Variants in ARL13B observed in about 807,000 individuals in gnomAD.
ARL13B encodes the protein ARF like GTPase 13B.
ARL13B carries 36 observed loss-of-function variants against 56.1 expected under a neutral mutation model. That is an observed-to-expected ratio of 0.64 (90% CI 0.49 to 0.85). ARL13B has a LOEUF of 0.85. Among genes scored for constraint, ARL13B ranks in the 40% least tolerant of loss-of-function variants. ARL13B has a pLI of 0.00. For missense variants in ARL13B, 519 were observed against 507.1 expected, an observed-to-expected ratio of 1.02 and a Z score of -0.23; for synonymous variants, 178 against 171.1, an observed-to-expected ratio of 1.04 and a Z score of -0.32.
At chr3:93,983,212 G>C (rs960066149) in intron 1 of ARL13B, among the ~76,000 whole-genome samples, 2 of 152,124 alleles carry the variant, frequency 1.3e-5, no homozygotes, top group Non-Finnish European at 2.9e-5. Flanking sequence ...TATTATTCCA[G>C]ACATTGGAAT....
chr3:93,986,500 C>CT (rs759607538), intron 1 of ARL13B, among the ~76,000 whole-genome samples: 2 of 151,804 alleles, frequency 1.3e-5, no homozygotes, highest in African/African-American at 2.4e-5. Context: ...GTTCTAAAGT[C>CT]TTTTTTTGTA....
chr3:94,012,022 TTTTC>T (rs2076232748), intron 3 of ARL13B, among the ~76,000 whole-genome samples: 1 of 151,988 alleles, frequency 6.6e-6, no homozygotes, highest in East Asian at 1.9e-4. Context: ...TTCTTCACAT[TTTTC>T]TTTCTTTAAA....
chr3:94,016,545 T>A lies in ARL13B; in HGVS notation c.380+12637T>A, dbSNP rs569425847. Reference sequence around the variant, plus strand: ...TTAACAGGAATAGATTTAAAATATTTCATCTAGCTATAAGAAAAATATTTT... The same window carrying A: ...TTAACAGGAATAGATTTAAAATATTACATCTAGCTATAAGAAAAATATTTT... On this transcript the variant is annotated intron_variant, in intron 3 of 9. Coordinates refer to ENST00000394222, the MANE Select transcript of ARL13B (RefSeq NM_001174150.2). 2.0e-5 allele frequency among the ~76,000 whole-genome samples: 3 copies of A among 152,224 alleles called. No individual in the cohort carries two copies. The East Asian group carries it at 5.8e-4, about 29-fold the overall frequency.
intron 3 of ARL13B, among the ~76,000 whole-genome samples, chr3:94,021,228 C>G (rs1575995272): frequency 6.6e-6 from 1 of 150,586 alleles, no homozygotes; most frequent in Admixed American, 6.6e-5. Context: ...GGGTCTCGCT[C>G]TGTTACCCAG....
Position 94,030,230 on chromosome 3 carries a change from T to G in ARL13B, c.381-5101T>G. Among the ~76,000 whole-genome samples, 2 of 152,022 alleles carry G rather than the reference T, an allele frequency of 1.3e-5. 1 individual carries two copies. Among genetic ancestry groups the G allele is most frequent in the Admixed American group, 1.3e-4 (2 of 15,262 alleles). On this transcript the variant is annotated intron_variant, in intron 3 of 9. Transcript: ENST00000394222. ...AATTTAGAACCATATAAATATTTTT[T>G]TATTTTTATTTTTTGAGACAGGGTC...
intron 3 of ARL13B, among the ~76,000 whole-genome samples, chr3:94,032,755 C>A (rs1423327549): frequency 6.6e-6 from 1 of 152,152 alleles, no homozygotes; most frequent in Non-Finnish European, 1.5e-5. Flanking sequence ...CTCGGCCTCC[C>A]AAAGTGCTGG....
chr3:94,050,158 C>T (rs1342936137), intron 8 of ARL13B, among the ~76,000 whole-genome samples: 2 of 130,580 alleles, frequency 1.5e-5, no homozygotes, highest in African/African-American at 5.9e-5. Flanking sequence ...GGTGAGACTC[C>T]ATCTCGGGAA....
At chr3:94,020,887 A>G (rs1411715379) in intron 3 of ARL13B, among the ~76,000 whole-genome samples, 3 of 152,138 alleles carry the variant, frequency 2.0e-5, no homozygotes, top group South Asian at 2.1e-4. Flanking sequence ...AGTACAATTT[A>G]TGTAAATAGG....
intron 6 of ARL13B, among the ~76,000 whole-genome samples, chr3:94,041,775 T>A (rs942673196): frequency 1.1e-4 from 16 of 151,902 alleles, no homozygotes; most frequent in Admixed American, 7.2e-4. Context: ...TAAAAAAAAA[T>A]TAAAAATGTC....
At chr3:93,996,637 A>G (rs1389180492) in intron 2 of ARL13B, 4 of 438,766 alleles carry the variant, frequency 9.1e-6, no homozygotes, top group East Asian at 1.4e-4. Flanking sequence ...CTTGGCCTCC[A>G]AGAGTGCTGG....
chr3:94,002,755 A>G (rs1339806791), intron 2 of ARL13B, among the ~76,000 whole-genome samples: 1 of 152,146 alleles, frequency 6.6e-6, no homozygotes, highest in Non-Finnish European at 1.5e-5. Context: ...TAATTATATC[A>G]TTGGTCTGCC....
chr3:93,981,114 A>G (rs1454132364), intron 1 of ARL13B, among the ~76,000 whole-genome samples: 1 of 152,222 alleles, frequency 6.6e-6, no homozygotes, highest in Non-Finnish European at 1.5e-5. Context: ...GAAAGGGTCC[A>G]CTTTTTAACA....
chr3:94,043,810 G>A (rs1449897014), intron 7 of ARL13B, among the ~76,000 whole-genome samples: 20 of 146,228 alleles, frequency 1.4e-4, no homozygotes, highest in African/African-American at 2.6e-4. Flanking sequence ...GGCACGCGCC[G>A]CCACTCCTGA....
At chr3:94,001,545 C>T (rs2076055627) in intron 2 of ARL13B, among the ~76,000 whole-genome samples, 1 of 152,056 alleles carries the variant, frequency 6.6e-6, no homozygotes, top group Non-Finnish European at 1.5e-5. Flanking sequence ...CCTTTTTCAC[C>T]TTCCTTCCCT....
intron 3 of ARL13B, among the ~76,000 whole-genome samples, chr3:94,012,186 C>T (rs1262641752): frequency 2.6e-5 from 4 of 152,070 alleles, no homozygotes; most frequent in Non-Finnish European, 5.9e-5. Flanking sequence ...ACTTTTCATA[C>T]CACCTTACAT....
chr3:93,980,363 GA>G lies in ARL13B; in HGVS notation c.-60del, dbSNP rs2107298403. 1 of 1,600,606 alleles carries G rather than the reference GA, an allele frequency of 6.2e-7. No homozygotes were observed. The highest frequency in any genetic ancestry group is 2.2e-5 in the East Asian group (1 of 44,836). ...CGGAGTGCCGGAGGCCCCCGGGGAA[GA>G]GCGGGGTGCCGGTGTCCGCTCCGGG... On this transcript the variant is annotated 5_prime_UTR_variant, in exon 1 of 10. Coordinates refer to ENST00000394222, the MANE Select transcript of ARL13B (RefSeq NM_001174150.2).
At chr3:94,031,487 G>A (rs991246833) in intron 3 of ARL13B, among the ~76,000 whole-genome samples, 1 of 152,076 alleles carries the variant, frequency 6.6e-6, no homozygotes, top group Non-Finnish European at 1.5e-5. Context: ...ACATAAAGAA[G>A]CTATCAAAGA....
intron 2 of ARL13B, among the ~76,000 whole-genome samples, chr3:93,999,603 G>A (rs563472663): frequency 1.3e-5 from 2 of 151,986 alleles, no homozygotes; most frequent in Non-Finnish European, 2.9e-5. Context: ...TTAAATGTTC[G>A]ATTAAATTAT....
At chr3:94,002,920 A>G (rs1464114624) in intron 2 of ARL13B, among the ~76,000 whole-genome samples, 1 of 152,078 alleles carries the variant, frequency 6.6e-6, no homozygotes, top group Non-Finnish European at 1.5e-5. Context: ...AATCCTATAC[A>G]GCTTTAAGGC....
Sources: allele counts gnomAD v4.1 joint callset (sites outside exome capture counted in the v4.1 genomes callset), GRCh38; gene constraint gnomAD v4.1.1; transcripts MANE v1.5; gene names NCBI Gene and HGNC (gene_info 2026-07-23, HGNC 2026-07-21).